Variants in PEAK1 observed in about 807,000 individuals in gnomAD.
PEAK1 encodes the protein inactive tyrosine-protein kinase PEAK1.
Under a neutral mutation model 124.7 loss-of-function variants are expected in PEAK1, and 54 were observed. The ratio of observed to expected loss-of-function variants is 0.43; its 90% CI spans 0.35 to 0.54. PEAK1 has a LOEUF of 0.54. Among genes scored for constraint, PEAK1 ranks in the 20% least tolerant of loss-of-function variants. PEAK1 has a pLI of 0.01. For missense variants in PEAK1, 2,046 were observed against 2,134.5 expected, an observed-to-expected ratio of 0.96 and a Z score of 0.82; for synonymous variants, 719 against 760.0, an observed-to-expected ratio of 0.95 and a Z score of 0.89.
chr15:77,275,310 T>C lies in PEAK1; in HGVS notation c.-275+8573A>G, dbSNP rs572170219. ...ACACCACCTGTTCCCCCAAAACCTA[T>C]TGAAATAAGACAAAATTCCAAAAAT... On this transcript the variant is annotated intron_variant, in intron 5 of 9. Transcript: ENST00000682557. 2.6e-4 allele frequency among the ~76,000 whole-genome samples: 40 copies of C among 152,252 alleles called. No homozygotes were observed. In the South Asian group the frequency reaches 7.3e-3, roughly 28 times the overall value.
rs1465908558 is a variant in PEAK1, at chr15:77,178,966, A to G, written c.2961T>C (p.Ile987=). ...CAGGGTCGCACCTGTACATGAAGAC[A>G]ATGGCTGGTTTCTCACTGGACTCTC... The part of the protein sequence containing the change: ...AKGESSEKPA[I]VFMYRCDPAQ... Residue 987 remains isoleucine (I), a synonymous_variant, in exon 7 of 10, where the codon ATT becomes ATC. Coordinates refer to ENST00000682557, the MANE Select transcript of PEAK1 (RefSeq NM_001385026.1). 1 of 1,614,046 alleles carries G rather than the reference A, an allele frequency of 6.2e-7. No homozygotes were observed. The highest frequency in any genetic ancestry group is 8.5e-7 in the Non-Finnish European group (1 of 1,180,004).
intron 2 of PEAK1, among the ~76,000 whole-genome samples, chr15:77,305,149 A>T (rs966093787): frequency 9.5e-6 from 1 of 105,076 alleles, no homozygotes; most frequent in East Asian, 2.8e-4. Context: ...TTTCAAAAAA[A>T]GGAAGGAAGG....
intron 6 of PEAK1, among the ~76,000 whole-genome samples, chr15:77,246,525 A>T (rs991374038): frequency 4.6e-5 from 7 of 152,078 alleles, no homozygotes; most frequent in South Asian, 4.1e-4. Context: ...AAACCAAAAA[A>T]CAACTCCAAT....
At chr15:77,162,640 G>A (rs915573189) in intron 7 of PEAK1, among the ~76,000 whole-genome samples, 5 of 151,988 alleles carry the variant, frequency 3.3e-5, no homozygotes, top group African/African-American at 1.2e-4. Context: ...CATTTCATTA[G>A]GAGATGTTTA....
At chr15:77,222,524 CAAAT>C (rs768915132) in intron 6 of PEAK1, among the ~76,000 whole-genome samples, 7 of 151,958 alleles carry the variant, frequency 4.6e-5, no homozygotes, top group Non-Finnish European at 1.0e-4. Flanking sequence ...AATTGAGAGT[CAAAT>C]AAATTAAGTA....
intron 9 of PEAK1, among the ~76,000 whole-genome samples, chr15:77,127,130 C>T (rs1218008683): frequency 2.6e-5 from 4 of 152,186 alleles, no homozygotes; most frequent in Non-Finnish European, 5.9e-5. Context: ...CTTGCACATG[C>T]TTCTTGTGTT....
intron 1 of PEAK1, among the ~76,000 whole-genome samples, chr15:77,373,599 CACT>C (rs1369342831): frequency 2.0e-5 from 3 of 152,208 alleles, no homozygotes; most frequent in Non-Finnish European, 2.9e-5. Flanking sequence ...TCCCCACCAC[CACT>C]ACAACCCAGC....
rs2057113933 is a variant in PEAK1, at chr15:77,179,582, T to C, written c.2345A>G (p.Glu782Gly). 6.2e-7 allele frequency: 1 copy of C among 1,614,020 alleles called. No homozygotes were observed. Among genetic ancestry groups the C allele is most frequent in the Admixed American group, 1.7e-5 (1 of 59,978 alleles). The change falls in exon 7 of 10, where the codon GAA becomes GGA. Residue 782 changes from glutamate (E) to glycine (G), a missense_variant. Glu to Gly is a moderately conservative substitution (Grantham distance 98). Coordinates refer to ENST00000682557, the MANE Select transcript of PEAK1 (RefSeq NM_001385026.1). ...AGCTTTAGGGCCAGATTGAGGTGTT[T>C]CTGGAGGAGACTGTGGGGGTTGGAT... is the stretch of plus-strand genomic sequence containing the variant. The part of the protein sequence containing the change: ...ASIQPPQSPP[E>G]TPQSGPKACS...
intron 2 of PEAK1, among the ~76,000 whole-genome samples, chr15:77,321,728 G>C (rs1381425445): frequency 6.6e-6 from 1 of 152,126 alleles, no homozygotes; most frequent in East Asian, 1.9e-4. Flanking sequence ...TGAAGTCCTT[G>C]CCCATGCCTA....
intron 9 of PEAK1, among the ~76,000 whole-genome samples, chr15:77,129,360 G>A (rs538394532): frequency 2.0e-5 from 3 of 152,234 alleles, no homozygotes; most frequent in African/African-American, 4.8e-5. Context: ...CATACAGTTA[G>A]TACTCTATGA....
At chr15:77,393,326 A>G (rs2070635108) in intron 1 of PEAK1, among the ~76,000 whole-genome samples, 4 of 152,188 alleles carry the variant, frequency 2.6e-5, no homozygotes, top group Non-Finnish European at 4.4e-5. Context: ...TCCACTCCCC[A>G]CACTGTCCCC....
Position 77,180,121 on chromosome 15 carries a change from A to G in PEAK1, c.1806T>C (p.Gly602=). ...GAATGATAATTGGAAAAGGTGGCAT[A>G]CCAGCATTGTTATAACTATTAAATT... is the stretch of plus-strand genomic sequence containing the variant. ...EIKFNSYNNA[G]MPPFPIIIHD... The change falls in exon 7 of 10, where the codon GGT becomes GGC. Residue 602 remains glycine, a synonymous_variant. Coordinates refer to ENST00000682557, the MANE Select transcript of PEAK1 (RefSeq NM_001385026.1). 2 of 1,614,206 alleles carry G rather than the reference A, an allele frequency of 1.2e-6. No individual in the cohort carries two copies. Among genetic ancestry groups the G allele is most frequent in the Non-Finnish European group, 1.7e-6 (2 of 1,180,028 alleles).
At chr15:77,159,392 C>T (rs2055433476) in intron 7 of PEAK1, among the ~76,000 whole-genome samples, 1 of 152,144 alleles carries the variant, frequency 6.6e-6, no homozygotes, top group Admixed American at 6.5e-5. Flanking sequence ...AGTATATGAC[C>T]AATCTTGTTT....
At chr15:77,253,024 T>C (rs1306370133) in intron 5 of PEAK1, among the ~76,000 whole-genome samples, 1 of 152,172 alleles carries the variant, frequency 6.6e-6, no homozygotes, top group African/African-American at 2.4e-5. Context: ...TTTAAAAATA[T>C]CACCCAAAAT....
intron 6 of PEAK1, among the ~76,000 whole-genome samples, chr15:77,223,751 A>G (rs189058720): frequency 1.3e-5 from 2 of 152,182 alleles, no homozygotes; most frequent in East Asian, 1.9e-4. Flanking sequence ...TATATAAACT[A>G]AAACATCAAA....
At position 77,114,486 on chromosome 15, in the gene PEAK1, A is replaced by G; in HGVS notation, c.4911T>C (p.Gly1637=). The G allele has an allele frequency of 6.2e-7, 1 of 1,613,734 alleles. No individual in the cohort carries two copies. Among genetic ancestry groups the G allele is most frequent in the Non-Finnish European group, 8.5e-7 (1 of 1,179,898 alleles). The change falls in exon 10 of 10, where the codon GGT becomes GGC. Residue 1637 remains glycine (G), a synonymous_variant. Transcript: ENST00000682557. ...GGAGGCAGCTGGCCAGCTGCTGCAGACCCCGGGAGTAGGGGGAGCGGAATG... is the reference window on the plus strand; with the variant it reads ...GGAGGCAGCTGGCCAGCTGCTGCAGGCCCCGGGAGTAGGGGGAGCGGAATG... ...RIPFRSPYSR[G]LQQLASCLLN... is the part of the protein sequence containing the mutation.
chr15:77,241,542 T>C (rs915934553), intron 6 of PEAK1, among the ~76,000 whole-genome samples: 1 of 152,008 alleles, frequency 6.6e-6, no homozygotes, highest in Non-Finnish European at 1.5e-5. Flanking sequence ...CTGTACCTAT[T>C]TGCATATGAC....
intron 7 of PEAK1, 36 bp from the exon 8 acceptor site, chr15:77,158,732 G>A: frequency 6.3e-7 from 1 of 1,594,212 alleles, no homozygotes; most frequent in Non-Finnish European, 8.6e-7. Flanking sequence ...CACTGGTATT[G>A]GAAGGTTCTA....
chr15:77,390,997 G>A (rs1198193041), intron 1 of PEAK1, among the ~76,000 whole-genome samples: 2 of 152,178 alleles, frequency 1.3e-5, no homozygotes, highest in Non-Finnish European at 2.9e-5. Flanking sequence ...CTAGGACTGT[G>A]AGGGTGCACT....
Sources: allele counts gnomAD v4.1 joint callset (sites outside exome capture counted in the v4.1 genomes callset), GRCh38; gene constraint gnomAD v4.1.1; transcripts MANE v1.5; gene names NCBI Gene and HGNC (gene_info 2026-07-23, HGNC 2026-07-21).